The following IFT56 variants were observed in gnomAD, a reference collection of about 807,000 sequenced individuals.
IFT56 encodes intraflagellar transport protein 56.
At chr7:139,135,277 C>CAAAAAAAA in the IFT56 span, among the ~76,000 whole-genome samples, 2 of 63,030 alleles carry the variant, frequency 3.2e-5, no homozygotes, top group Non-Finnish European at 6.8e-5. Flanking sequence ...GACTCCGTCT[C>CAAAAAAAA]AAAAAAAAAA....
chr7:139,165,222 T>C, the IFT56 span: 1 of 1,612,622 alleles, frequency 6.2e-7, no homozygotes, highest in Non-Finnish European at 8.5e-7. Context: ...GGTGATTTAC[T>C]ACCTTCGTCA....
At chr7:139,134,533 G>T in the IFT56 span, 1 of 1,116,320 alleles carries the variant, frequency 9.0e-7, no homozygotes, top group Non-Finnish European at 1.2e-6. Context: ...CTCTCAAAGT[G>T]CTGGGATTAC....
the IFT56 span, among the ~76,000 whole-genome samples, chr7:139,154,761 G>A: frequency 6.6e-6 from 1 of 152,216 alleles, no homozygotes; most frequent in South Asian, 2.1e-4. Flanking sequence ...AAATCAGGAA[G>A]TATGCGGCCT....
chr7:139,186,144 C>G, the IFT56 span, among the ~76,000 whole-genome samples: 1 of 152,142 alleles, frequency 6.6e-6, no homozygotes, highest in Non-Finnish European at 1.5e-5. Context: ...GAAAACTCAT[C>G]TGGCCAGGCG....
At chr7:139,138,054 G>A in the IFT56 span, 47 of 608,420 alleles carry the variant, frequency 7.7e-5, no homozygotes, top group African/African-American at 1.5e-4. Flanking sequence ...AGGAAACAAA[G>A]AGAAGTTACC....
the IFT56 span, among the ~76,000 whole-genome samples, chr7:139,155,889 T>C: frequency 6.6e-6 from 1 of 152,152 alleles, no homozygotes; most frequent in Admixed American, 6.5e-5. Context: ...AGTGAAGCCA[T>C]CTGGGCCTGG....
At chr7:139,150,173 G>A in the IFT56 span, among the ~76,000 whole-genome samples, 1 of 152,008 alleles carries the variant, frequency 6.6e-6, no homozygotes, top group African/African-American at 2.4e-5. Flanking sequence ...GCATTCTTGG[G>A]GTAATAGTCA....
At chr7:139,188,042 T>A in the IFT56 span, among the ~76,000 whole-genome samples, 1 of 151,858 alleles carries the variant, frequency 6.6e-6, no homozygotes, top group Non-Finnish European at 1.5e-5. Flanking sequence ...ACTGAGACAT[T>A]AGTTTACATA....
the IFT56 span, among the ~76,000 whole-genome samples, chr7:139,136,177 G>A: frequency 6.6e-6 from 1 of 151,776 alleles, no homozygotes; most frequent in Non-Finnish European, 1.5e-5. Flanking sequence ...CACCTGCCTC[G>A]GCCTCCCAAA....
At chr7:139,146,961 C>T in the IFT56 span, 179,242 of 1,511,506 alleles carry the variant, frequency 0.12, 25,717 homozygotes, top group African/African-American at 0.58. Flanking sequence ...CCTCCAGAGG[C>T]TATTTCCATT....
the IFT56 span, among the ~76,000 whole-genome samples, chr7:139,184,907 AGC>A: frequency 5.3e-5 from 8 of 150,796 alleles, no homozygotes; most frequent in Non-Finnish European, 8.8e-5. Context: ...ACAAAAAATT[AGC>A]CAGGCGTGGT....
chr7:139,169,315 G>A, the IFT56 span: 1 of 1,614,050 alleles, frequency 6.2e-7, no homozygotes. Flanking sequence ...TTGCCCAGCA[G>A]TTCTTCCAGT....
the IFT56 span, chr7:139,189,340 C>T: frequency 2.5e-6 from 4 of 1,610,960 alleles, no homozygotes; most frequent in Non-Finnish European, 3.4e-6. Context: ...TCGAGAAGTG[C>T]TCCATTTACT....
At chr7:139,185,701 T>G in the IFT56 span, among the ~76,000 whole-genome samples, 3 of 152,022 alleles carry the variant, frequency 2.0e-5, no homozygotes, top group African/African-American at 7.3e-5. Context: ...AGAGCTTTTG[T>G]GTTGCTCTCA....
At chr7:139,163,015 A>G in the IFT56 span, among the ~76,000 whole-genome samples, 3 of 150,372 alleles carry the variant, frequency 2.0e-5, no homozygotes, top group Non-Finnish European at 3.0e-5. Context: ...ATGAGGTAAT[A>G]TGTGTAAGGT....
At chr7:139,142,140 CAT>C in the IFT56 span, 2 of 1,034,366 alleles carry the variant, frequency 1.9e-6, no homozygotes, top group Non-Finnish European at 3.0e-6. Context: ...CTAGCAGAGA[CAT>C]ATTAGGATCA....
chr7:139,144,335 A>G, the IFT56 span, among the ~76,000 whole-genome samples: 2 of 152,024 alleles, frequency 1.3e-5, no homozygotes, highest in Admixed American at 1.3e-4. Context: ...CCTTGTCTCT[A>G]CTGAGATGTT....
the IFT56 span, among the ~76,000 whole-genome samples, chr7:139,142,899 T>C: frequency 6.6e-6 from 1 of 152,228 alleles, no homozygotes; most frequent in Admixed American, 6.5e-5. Flanking sequence ...CAGAGTCACC[T>C]TGTCCTGACT....
At chr7:139,134,997 T>G in the IFT56 span, among the ~76,000 whole-genome samples, 1,777 of 152,050 alleles carry the variant, frequency 0.012, 28 homozygotes, top group African/African-American at 0.039. Context: ...AAAACTAAAC[T>G]TGGCCGGGCG....
Sources: allele counts gnomAD v4.1 joint callset (sites outside exome capture counted in the v4.1 genomes callset), GRCh38; gene constraint gnomAD v4.1.1; transcripts MANE v1.5; gene names NCBI Gene and HGNC (gene_info 2026-07-23, HGNC 2026-07-21).